The following TPTE2 variants were observed in gnomAD, a reference collection of about 807,000 sequenced individuals.
TPTE2 encodes phosphatidylinositol 3,4,5-trisphosphate 3-phosphatase TPTE2.
A neutral mutation model predicts 78.6 loss-of-function variants in TPTE2; 53 were observed. The ratio of observed to expected loss-of-function variants is 0.67; its 90% CI spans 0.54 to 0.85. The LOEUF is 0.85. Among genes scored for constraint, TPTE2 ranks in the 40% least tolerant of loss-of-function variants. The pLI, the probability that TPTE2 is intolerant of heterozygous loss-of-function variation, is 0.00. For missense variants in TPTE2, 461 were observed against 623.0 expected (o/e 0.74, Z 2.77); for synonymous variants, 175 against 206.2 (o/e 0.85, Z 1.30).
chr13:19,497,710 C>G (rs1018892316), intron 1 of TPTE2, among the ~76,000 whole-genome samples: 2 of 150,876 alleles, frequency 1.3e-5, no homozygotes, highest in African/African-American at 4.9e-5. Context: ...AAAAACAGAA[C>G]AGAAAAACTG....
intron 4 of TPTE2, among the ~76,000 whole-genome samples, chr13:19,476,806 C>G (rs1156558879): frequency 6.6e-6 from 1 of 152,102 alleles, no homozygotes; most frequent in Non-Finnish European, 1.5e-5. Context: ...AGCAGTATAG[C>G]AATACCTTGA....
chr13:19,464,090 G>A (rs1407568715), intron 10 of TPTE2, among the ~76,000 whole-genome samples: 1 of 152,148 alleles, frequency 6.6e-6, no homozygotes, highest in East Asian at 1.9e-4. Flanking sequence ...TCAGTTGAGG[G>A]TAGCCAAGCC....
At chr13:19,444,456 T>A (rs1304708731) in intron 13 of TPTE2, among the ~76,000 whole-genome samples, 2 of 148,912 alleles carry the variant, frequency 1.3e-5, no homozygotes, top group East Asian at 4.0e-4. Flanking sequence ...TAAAAGGATA[T>A]CATTTAAATA....
At chr13:19,515,935 C>CATAG (rs1366625764) in intron 1 of TPTE2, among the ~76,000 whole-genome samples, 2 of 152,160 alleles carry the variant, frequency 1.3e-5, no homozygotes, top group Admixed American at 1.3e-4. Context: ...ATGAGACATC[C>CATAG]ATAGATGTGA....
intron 1 of TPTE2, among the ~76,000 whole-genome samples, chr13:19,522,619 C>CTTTTT (rs57248346): frequency 6.0e-4 from 73 of 121,654 alleles, no homozygotes; most frequent in Non-Finnish European, 8.4e-4. Context: ...CTTTTTTTTT[C>CTTTTT]TTTTTTTTTT....
upstream of TPTE2, among the ~76,000 whole-genome samples, chr13:19,506,127 T>C (rs1394081032): frequency 2.0e-5 from 3 of 147,354 alleles, no homozygotes; most frequent in African/African-American, 7.4e-5. Flanking sequence ...GTTATGTGTA[T>C]ATATGTATAT....
intron 1 of TPTE2, among the ~76,000 whole-genome samples, chr13:19,512,943 T>G (rs887362202): frequency 3.3e-5 from 5 of 150,188 alleles, no homozygotes; most frequent in African/African-American, 1.3e-4. Flanking sequence ...ATTAAGGGTA[T>G]TGTTAAGCTG....
rs534077639 is a variant in TPTE2 at position 19,482,638 on chromosome 13, C to T, written c.120-91G>A. ...AAAATATATTTGAATAACAAGAATCCCATGAATCTAAAGGATATAGTAAAC... is the reference window on the plus strand; with the variant it reads ...AAAATATATTTGAATAACAAGAATCTCATGAATCTAAAGGATATAGTAAAC... On this transcript the variant is annotated intron_variant, in intron 3 of 19. Coordinates refer to ENST00000400230, the Ensembl canonical transcript of TPTE2. 74 of 1,506,178 alleles carry T rather than the reference C, an allele frequency of 4.9e-5. 1 individual carries two copies. The South Asian group carries it at 8.4e-4, about 17-fold the overall frequency. 93.3% of individuals were successfully genotyped at this position (1,506,178 alleles called of 1,614,324 possible).
intron 18 of TPTE2, chr13:19,425,980 G>A (rs1041366169): frequency 5.1e-6 from 2 of 388,802 alleles, no homozygotes; most frequent in Non-Finnish European, 1.0e-5. Context: ...GATTGCTTGA[G>A]CCCAGGAGGG....
exon 15 of TPTE2, chr13:19,436,265 G>T: frequency 1.9e-6 from 3 of 1,613,116 alleles, no homozygotes; most frequent in Non-Finnish European, 2.5e-6. Context: ...TATTGCTGTG[G>T]GTTTTATTGG....
At chr13:19,489,486 T>C (rs2137631113) in intron 3 of TPTE2, among the ~76,000 whole-genome samples, 1 of 150,798 alleles carries the variant, frequency 6.6e-6, no homozygotes, top group Admixed American at 6.6e-5. Flanking sequence ...TGTTTACATA[T>C]ATATACACAT....
Position 19,486,983 on chromosome 13 carries a change from G to A in TPTE2, c.120-4436C>T, listed in dbSNP as rs1463115485. ...ATGTCTTCTGGAAGTAGCCCATGGAGCTCTTTCTTAGGTCCAGGACATGGG... is the reference window on the plus strand; with the variant it reads ...ATGTCTTCTGGAAGTAGCCCATGGAACTCTTTCTTAGGTCCAGGACATGGG... On this transcript the variant is annotated intron_variant, in intron 3 of 19. Transcript: ENST00000400230. This position sits in a 1 kb window ranked among gnomAD's most constrained non-coding sequence, Gnocchi z 4.3. 6.6e-6 allele frequency among the ~76,000 whole-genome samples: 1 copy of A among 152,182 alleles called. No individual in the cohort carries two copies.
At chr13:19,492,545 C>T (rs564810824) in intron 3 of TPTE2, among the ~76,000 whole-genome samples, 1 of 152,216 alleles carries the variant, frequency 6.6e-6, no homozygotes, top group East Asian at 1.9e-4. Flanking sequence ...TACGAACTGA[C>T]CTCCTTATAC....
At chr13:19,438,002 C>A (rs1292141010) in intron 14 of TPTE2, 90 bp downstream of exon 17, 31 of 1,534,488 alleles carry the variant, frequency 2.0e-5, no homozygotes, top group Middle Eastern at 3.5e-4. Context: ...CACCATGACT[C>A]AAATAATCAT....
intron 1 of TPTE2, among the ~76,000 whole-genome samples, chr13:19,530,841 A>G (rs1374277253): frequency 1.3e-5 from 2 of 152,074 alleles, no homozygotes; most frequent in Non-Finnish European, 2.9e-5. Flanking sequence ...TTTTTTTCTT[A>G]TGGTAAAATA....
chr13:19,500,074 C>T (rs1485894969), intron 1 of TPTE2, among the ~76,000 whole-genome samples: 5 of 151,706 alleles, frequency 3.3e-5, no homozygotes, highest in African/African-American at 1.2e-4. Flanking sequence ...TTCCTCGACA[C>T]ATACACTCTC....
intron 1 of TPTE2, among the ~76,000 whole-genome samples, chr13:19,532,420 A>G (rs1409830205): frequency 6.6e-6 from 1 of 152,048 alleles, no homozygotes; most frequent in Non-Finnish European, 1.5e-5. Context: ...TATGAGGACA[A>G]AGTATTCTTC....
chr13:19,528,730 C>T (rs1870679662), intron 1 of TPTE2, among the ~76,000 whole-genome samples: 2 of 152,254 alleles, frequency 1.3e-5, no homozygotes, highest in Middle Eastern at 3.4e-3. Context: ...CATGGTTATC[C>T]ACCCATCTCA....
At chr13:19,511,374 AAAC>A (rs150051499) in intron 1 of TPTE2, among the ~76,000 whole-genome samples, 20,912 of 152,224 alleles carry the variant, frequency 0.14, 1,599 homozygotes, top group African/African-American at 0.2. Flanking sequence ...CATATAGGCA[AAAC>A]AACAATACAT....
Sources: gnomAD v4.1 joint callset for allele counts (sites outside exome capture counted in the v4.1 genomes callset) on GRCh38, gnomAD v4.1.1 for gene constraint, Gnocchi (gnomAD v3.1) non-coding constraint, MANE v1.5 for transcripts, NCBI Gene and HGNC (gene_info 2026-07-23, HGNC 2026-07-21) for gene names.